WDR27: variants seen among roughly 807,000 people sequenced by gnomAD.
The protein encoded by WDR27 is WD repeat-containing protein 27.
WDR27 carries 100 observed loss-of-function variants against 114.4 expected under a neutral mutation model. The ratio of observed to expected loss-of-function variants is 0.87; its 90% CI spans 0.74 to 1.03. The LOEUF (loss-of-function observed/expected upper bound fraction) is 1.03, where lower values mean the gene tolerates loss of function less well. Ranked by LOEUF, WDR27 falls within the 50% of genes least tolerant of loss-of-function variation. The pLI, the probability that WDR27 is intolerant of heterozygous loss-of-function variation, is 0.00. For missense variants in WDR27, 1,129 were observed against 1,092.9 expected (o/e 1.03, Z -0.47); for synonymous variants, 449 against 423.1 (o/e 1.06, Z -0.75).
chr6:169,499,097 A>C (rs1319008306), intron 25 of WDR27, among the ~76,000 whole-genome samples: 1 of 152,242 alleles, frequency 6.6e-6, no homozygotes, highest in East Asian at 1.9e-4. Flanking sequence ...AAACGTCCTC[A>C]TGTTGCTAAG....
chr6:169,629,061 A>G (rs750146694), intron 21 of WDR27, among the ~76,000 whole-genome samples: 1 of 152,252 alleles, frequency 6.6e-6, no homozygotes, highest in Non-Finnish European at 1.5e-5. Flanking sequence ...AAACTCTTCT[A>G]TTATGAAGTG....
intron 25 of WDR27, among the ~76,000 whole-genome samples, chr6:169,468,407 G>C (rs1450706096): frequency 6.6e-6 from 1 of 152,180 alleles, no homozygotes; most frequent in African/African-American, 2.4e-5. Flanking sequence ...CATGGCACAA[G>C]GGAAAGCAAA....
intron 25 of WDR27, chr6:169,558,712 G>A (rs1799254999): frequency 6.6e-6 from 1 of 152,154 alleles, no homozygotes; most frequent in Non-Finnish European, 1.5e-5. Flanking sequence ...AGGGCCCAGA[G>A]GTCTTCATTT....
intron 25 of WDR27, among the ~76,000 whole-genome samples, chr6:169,553,923 C>G (rs1423779621): frequency 6.6e-6 from 1 of 152,198 alleles, no homozygotes; most frequent in Admixed American, 6.5e-5. Flanking sequence ...AAGTTTGCCA[C>G]AAATTAGGTC....
chr6:169,468,731 C>T (rs1352950168), intron 25 of WDR27, among the ~76,000 whole-genome samples: 1 of 152,132 alleles, frequency 6.6e-6, no homozygotes, highest in Non-Finnish European at 1.5e-5. Flanking sequence ...GCTCTTTTGC[C>T]AGATGTCTCA....
chr6:169,540,102 T>C (rs1336516336), intron 25 of WDR27, among the ~76,000 whole-genome samples: 9 of 152,234 alleles, frequency 5.9e-5, no homozygotes, highest in Non-Finnish European at 1.0e-4. Context: ...TCATTAATCA[T>C]AATTTTCTTT....
intron 1 of WDR27, among the ~76,000 whole-genome samples, chr6:169,694,134 C>A (rs1477003544): frequency 1.3e-5 from 2 of 152,024 alleles, no homozygotes; most frequent in Non-Finnish European, 2.9e-5. Flanking sequence ...ATGGTGAAAC[C>A]CCCTCTCTAC....
intron 25 of WDR27, among the ~76,000 whole-genome samples, chr6:169,528,560 T>C (rs1479449450): frequency 6.6e-6 from 1 of 152,220 alleles, no homozygotes; most frequent in Non-Finnish European, 1.5e-5. Context: ...AGAGTTTTGC[T>C]CTGTCACCCA....
chr6:169,504,374 G>A lies in WDR27; in HGVS notation c.2646-46740C>T, dbSNP rs145940102. ...GTGGAGATAACTGAATCATGGGGGC[G>A]GTTTCCTTCATACTTTTCTTGTGAT... is the stretch of plus-strand genomic sequence containing the variant. On this transcript the variant is annotated intron_variant, in intron 25 of 25. Transcript: ENST00000448612. Among the ~76,000 whole-genome samples, 1,451 of 152,160 alleles carry A rather than the reference G, an allele frequency of 9.5e-3. 14 individuals carry two copies. Among genetic ancestry groups the A allele is most frequent in the Non-Finnish European group, 0.016 (1,097 of 68,002 alleles).
At chr6:169,451,632 C>T in the WDR27 span, among the ~76,000 whole-genome samples, 1 of 152,192 alleles carries the variant, frequency 6.6e-6, no homozygotes, top group Admixed American at 6.5e-5. Flanking sequence ...TACCGTTTTA[C>T]ACTCTGTCAG....
At chr6:169,434,205 G>GT in the WDR27 span, among the ~76,000 whole-genome samples, 3 of 152,224 alleles carry the variant, frequency 2.0e-5, no homozygotes, top group South Asian at 2.1e-4. Context: ...TTCTTCTAGG[G>GT]TTTTTTATGG....
At chr6:169,700,183 G>C (rs1427729164) in intron 1 of WDR27, among the ~76,000 whole-genome samples, 1 of 152,198 alleles carries the variant, frequency 6.6e-6, no homozygotes, top group South Asian at 2.1e-4. Flanking sequence ...AGTGGGGAGA[G>C]CAACTAGTTT....
At chr6:169,588,109 G>A (rs985995248) in intron 23 of WDR27, among the ~76,000 whole-genome samples, 6 of 152,184 alleles carry the variant, frequency 3.9e-5, no homozygotes, top group Middle Eastern at 3.2e-3. Flanking sequence ...CTGGAGAGAC[G>A]AACAGCTCAT....
At chr6:169,637,456 T>A (rs547054527) in intron 18 of WDR27, among the ~76,000 whole-genome samples, 60 of 152,406 alleles carry the variant, frequency 3.9e-4, no homozygotes, top group African/African-American at 1.1e-3. Flanking sequence ...TGTGTATGCA[T>A]CTATCTGCGT....
At chr6:169,661,382 C>T (rs531367727) in intron 9 of WDR27, among the ~76,000 whole-genome samples, 1 of 152,308 alleles carries the variant, frequency 6.6e-6, no homozygotes, top group South Asian at 2.1e-4. Context: ...ATACCAATGC[C>T]AACGGGGTCT....
intron 23 of WDR27, among the ~76,000 whole-genome samples, chr6:169,599,961 G>A (rs1248833196): frequency 1.3e-5 from 2 of 151,984 alleles, no homozygotes; most frequent in African/African-American, 2.4e-5. Context: ...GGTATGTTGT[G>A]TCTTTGTTCT....
intron 21 of WDR27, among the ~76,000 whole-genome samples, chr6:169,627,150 A>AAC (rs1227800493): frequency 6.6e-6 from 1 of 152,234 alleles, no homozygotes; most frequent in Non-Finnish European, 1.5e-5. Context: ...GCTGATTTCT[A>AAC]ACATATATTT....
At chr6:169,666,475 C>T (rs1361266698) in intron 6 of WDR27, 45 of 985,378 alleles carry the variant, frequency 4.6e-5, no homozygotes, top group Middle Eastern at 5.2e-4. Flanking sequence ...GAAGACAGAA[C>T]GTGCACAAGG....
rs1037130515 is a variant in WDR27, at chr6:169,513,793, T to C, written c.2646-56159A>G. ...TGGTCAGTCATTCACTTGTTTAACATAGACTGTCTACCTCTGCCAATCCCT... is the reference window on the plus strand; with the variant it reads ...TGGTCAGTCATTCACTTGTTTAACACAGACTGTCTACCTCTGCCAATCCCT... On this transcript the variant is annotated intron_variant, in intron 25 of 25. Coordinates refer to ENST00000448612, the MANE Select transcript of WDR27 (RefSeq NM_182552.5). Among the ~76,000 whole-genome samples the C allele has an allele frequency of 1.1e-4, 17 of 151,540 alleles. 1 individual carries two copies. The highest frequency in any genetic ancestry group is 2.2e-4 in the Non-Finnish European group (15 of 67,896).
Sources: allele counts gnomAD v4.1 joint callset (sites outside exome capture counted in the v4.1 genomes callset), GRCh38; gene constraint gnomAD v4.1.1; transcripts MANE v1.5; gene names NCBI Gene and HGNC (gene_info 2026-07-23, HGNC 2026-07-21).